UAP1: variants seen among roughly 807,000 people sequenced by gnomAD.
The protein encoded by UAP1 is UDP-N-acetylglucosamine pyrophosphorylase 1.
In UAP1, 25 loss-of-function variants were observed where a neutral mutation model predicts 58.5. The observed-to-expected ratio is 0.43, with a 90% CI of 0.31 to 0.60. UAP1 has a LOEUF of 0.60. UAP1 is among the 20% of genes least tolerant of loss of function. The pLI, the probability that UAP1 is intolerant of heterozygous loss-of-function variation, is 0.11. For synonymous variants in UAP1, 208 were observed against 213.0 expected (o/e 0.98, Z 0.21); for missense variants, 575 against 630.0 (o/e 0.91, Z 0.93).
intron 2 of UAP1, among the ~76,000 whole-genome samples, chr1:162,573,315 G>C (rs1471003458): frequency 2.0e-5 from 3 of 152,008 alleles, no homozygotes; most frequent in Non-Finnish European, 4.4e-5. Context: ...TGGTGTGGTG[G>C]TGAAGAGGCC....
At position 162,582,948 on chromosome 1, in the gene UAP1, A is replaced by G. The variant is rs12742472; in HGVS notation, c.834+1489A>G. ...TTTAGTTCAGTTATTTAAGACTTCT[A>G]TCTGTTCCAATACTCTGTGAGTATC... On this transcript the variant is annotated intron_variant, in intron 5 of 10. Coordinates refer to ENST00000271469, the Ensembl canonical transcript of UAP1. Among the ~76,000 whole-genome samples, 637 of 150,784 alleles carry G rather than the reference A, an allele frequency of 4.2e-3. 4 individuals are homozygous for G. Among genetic ancestry groups the G allele is most frequent in the East Asian group, 0.03 (154 of 5,114 alleles).
exon 5 of UAP1, chr1:162,581,293 A>G (rs1654570329): frequency 6.2e-7 from 1 of 1,610,894 alleles, no homozygotes; most frequent in Non-Finnish European, 8.5e-7. Flanking sequence ...CCAGATGGGA[A>G]TGGTGGTCTT....
chr1:162,592,841 A>G, intron 9 of UAP1, 59 bp downstream of exon 9: 1 of 1,441,332 alleles, frequency 6.9e-7, no homozygotes, highest in South Asian at 1.2e-5. Flanking sequence ...CCTCCATACT[A>G]ACTGGCATCG....
intron 2 of UAP1, among the ~76,000 whole-genome samples, chr1:162,573,392 T>G (rs1653987347): frequency 6.6e-6 from 1 of 152,186 alleles, no homozygotes. Flanking sequence ...ACTCTTAACT[T>G]CTCTGAGTTC....
intron 4 of UAP1, among the ~76,000 whole-genome samples, chr1:162,581,052 T>C (rs1156525825): frequency 4.6e-5 from 7 of 152,232 alleles, no homozygotes; most frequent in African/African-American, 1.7e-4. Flanking sequence ...TTTTTGGGGT[T>C]GCCTGATCTT....
At chr1:162,569,170 C>T (rs1000357336) in intron 2 of UAP1, among the ~76,000 whole-genome samples, 4 of 152,142 alleles carry the variant, frequency 2.6e-5, no homozygotes, top group Admixed American at 6.5e-5. Context: ...GTTATCAAAG[C>T]GAAGAGAAGC....
At chr1:162,580,866 T>TA (rs1211181508) in intron 4 of UAP1, among the ~76,000 whole-genome samples, 1 of 152,154 alleles carries the variant, frequency 6.6e-6, no homozygotes, top group Non-Finnish European at 1.5e-5. Flanking sequence ...ACAAAATACT[T>TA]ACGTATTTTT....
chr1:162,597,967 T>A, intron 10 of UAP1, 109 bp downstream of exon 10: 1 of 971,966 alleles, frequency 1.0e-6, no homozygotes, highest in Non-Finnish European at 1.5e-6. Flanking sequence ...GATAAGTATT[T>A]GAGGTGATAG....
At chr1:162,585,311 G>A (rs1654837706) in intron 5 of UAP1, among the ~76,000 whole-genome samples, 3 of 151,548 alleles carry the variant, frequency 2.0e-5, no homozygotes, top group South Asian at 2.1e-4. Flanking sequence ...CAGCTGGAGC[G>A]CAATGGCGCA....
At chr1:162,599,187 C>T (rs898854548) in intron 10 of UAP1, 84 bp from the exon 11 acceptor site, 2 of 801,568 alleles carry the variant, frequency 2.5e-6, no homozygotes, top group South Asian at 1.9e-5. Context: ...GGCATTTGTG[C>T]TTTAAATCAT....
At chr1:162,596,079 C>G (rs563775439) in intron 9 of UAP1, among the ~76,000 whole-genome samples, 2 of 152,100 alleles carry the variant, frequency 1.3e-5, no homozygotes, top group Non-Finnish European at 2.9e-5. Flanking sequence ...TCTCGAATTC[C>G]TGACCTCAAG....
chr1:162,583,172 A>G (rs1319962347), intron 5 of UAP1, among the ~76,000 whole-genome samples: 2 of 18,160 alleles, frequency 1.1e-4, no homozygotes, highest in African/African-American at 2.0e-4. Flanking sequence ...TTTTTTTTTG[A>G]GACGCAGTCT....
At chr1:162,572,731 C>T (rs573580959) in intron 2 of UAP1, among the ~76,000 whole-genome samples, 53 of 152,278 alleles carry the variant, frequency 3.5e-4, no homozygotes, top group African/African-American at 9.9e-4. Flanking sequence ...GACAGGAGTT[C>T]TTTATCTGCA....
intron 8 of UAP1, among the ~76,000 whole-genome samples, chr1:162,591,780 C>A (rs956514011): frequency 6.7e-5 from 10 of 148,812 alleles, no homozygotes; most frequent in Admixed American, 6.7e-5. Context: ...GCCGCCATGT[C>A]TGGCCAATCT....
At chr1:162,587,545 T>A in exon 6 of UAP1, 1 of 1,614,054 alleles carries the variant, frequency 6.2e-7, no homozygotes, top group South Asian at 1.1e-5. Context: ...TACCAGGTGG[T>A]AGAATATAGT....
intron 2 of UAP1, among the ~76,000 whole-genome samples, chr1:162,568,438 G>T (rs1371643680): frequency 6.6e-6 from 1 of 152,194 alleles, no homozygotes; most frequent in Admixed American, 6.5e-5. Flanking sequence ...GCCTTTTTCT[G>T]TTCTGTGTGT....
downstream of UAP1, among the ~76,000 whole-genome samples, chr1:162,600,557 G>C (rs1325380309): frequency 4.6e-5 from 7 of 151,208 alleles, no homozygotes; most frequent in Admixed American, 4.6e-4. Flanking sequence ...ATTATATCTA[G>C]AAAAGAGATG....
intron 9 of UAP1, among the ~76,000 whole-genome samples, chr1:162,595,421 C>T (rs1410220580): frequency 2.0e-5 from 3 of 151,708 alleles, no homozygotes; most frequent in Non-Finnish European, 2.9e-5. Context: ...TTTTTTTCCT[C>T]GGCATGCCTA....
intron 5 of UAP1, among the ~76,000 whole-genome samples, chr1:162,586,620 A>G (rs779867769): frequency 6.6e-6 from 1 of 152,186 alleles, no homozygotes; most frequent in Non-Finnish European, 1.5e-5. Context: ...AGTGCATTGC[A>G]TATAGTTCTT....
Sources: allele counts gnomAD v4.1 joint callset (sites outside exome capture counted in the v4.1 genomes callset), GRCh38; gene constraint gnomAD v4.1.1; transcripts MANE v1.5; gene names NCBI Gene and HGNC (gene_info 2026-07-23, HGNC 2026-07-21).